SLC9A9: variants seen among roughly 807,000 people sequenced by gnomAD.
SLC9A9 encodes solute carrier family 9 member A9, also known as sodium/hydrogen exchanger 9.
Under a neutral mutation model 77.8 loss-of-function variants are expected in SLC9A9, and 62 were observed. That is an observed-to-expected ratio of 0.80 (90% CI 0.65 to 0.98). The LOEUF is 0.98. SLC9A9 is among the 50% of genes least tolerant of loss of function. The probability of loss-of-function intolerance (pLI) is 0.00; values close to 1 mark genes in which losing one functional copy is unlikely to be tolerated. For synonymous variants in SLC9A9, 320 were observed against 283.5 expected, an observed-to-expected ratio of 1.13 and a Z score of -1.29; for missense variants, 775 against 774.9, an observed-to-expected ratio of 1.00 and a Z score of 0.00.
intron 12 of SLC9A9, among the ~76,000 whole-genome samples, chr3:143,434,730 GC>G (rs1294609529): frequency 2.0e-5 from 3 of 152,028 alleles, no homozygotes; most frequent in African/African-American, 7.3e-5. Flanking sequence ...CCTGGTCCAT[GC>G]TAACCTCTGC....
At chr3:143,831,568 G>A (rs2009434245) in intron 2 of SLC9A9, among the ~76,000 whole-genome samples, 1 of 152,122 alleles carries the variant, frequency 6.6e-6, no homozygotes, top group Non-Finnish European at 1.5e-5. Context: ...CCAAAAGCCA[G>A]TCATCCTAGG....
chr3:143,679,108 A>G (rs1389035329), intron 5 of SLC9A9, among the ~76,000 whole-genome samples: 1 of 16,062 alleles, frequency 6.2e-5, no homozygotes, highest in Non-Finnish European at 2.5e-4. Flanking sequence ...ACACAGCAGT[A>G]AAAAAAAGCA....
chr3:143,704,821 CA>C (rs1933915194), intron 4 of SLC9A9, among the ~76,000 whole-genome samples: 1 of 151,982 alleles, frequency 6.6e-6, no homozygotes, highest in Non-Finnish European at 1.5e-5. Context: ...GGAGAAACCC[CA>C]TCTCTACTAA....
chr3:143,316,159 C>T (rs1266994556), intron 14 of SLC9A9, among the ~76,000 whole-genome samples: 1 of 152,140 alleles, frequency 6.6e-6, no homozygotes, highest in Non-Finnish European at 1.5e-5. Flanking sequence ...GAAACATTTC[C>T]CACATCTTTA....
intron 11 of SLC9A9, among the ~76,000 whole-genome samples, chr3:143,480,728 T>C (rs1372126560): frequency 3.3e-5 from 5 of 152,198 alleles, no homozygotes; most frequent in Non-Finnish European, 7.3e-5. Flanking sequence ...TAGCTGTTAG[T>C]GGCCTTGTAC....
At chr3:143,617,650 A>G (rs922194048) in intron 6 of SLC9A9, among the ~76,000 whole-genome samples, 9 of 152,224 alleles carry the variant, frequency 5.9e-5, no homozygotes, top group Admixed American at 1.3e-4. Flanking sequence ...TCAGCATGGC[A>G]AGAATTAGAG....
chr3:143,617,180 T>C (rs1157933763), intron 6 of SLC9A9, among the ~76,000 whole-genome samples: 1 of 152,214 alleles, frequency 6.6e-6, no homozygotes, highest in African/African-American at 2.4e-5. Context: ...GTGGAGTCTC[T>C]AGAGAAGTAT....
intron 12 of SLC9A9, among the ~76,000 whole-genome samples, chr3:143,383,641 C>T (rs927234533): frequency 7.2e-5 from 11 of 152,330 alleles, no homozygotes; most frequent in African/African-American, 2.4e-4. Flanking sequence ...CTCAAACTTC[C>T]TCTGTTTCCA....
In SLC9A9 at chr3:143,617,287, G is replaced by T. The variant is rs114422195; in HGVS notation, c.755+34968C>A. Reference sequence around the variant, plus strand: ...AAAGTTTTATTGGAACACCAGCCATGCCCATTTATTGACCTAGTGCATATG... The same window carrying T: ...AAAGTTTTATTGGAACACCAGCCATTCCCATTTATTGACCTAGTGCATATG... On this transcript the variant is annotated intron_variant, in intron 6 of 15. Transcript: ENST00000316549. Among the ~76,000 whole-genome samples, 1,157 of 152,304 alleles carry T rather than the reference G, an allele frequency of 7.6e-3. 14 individuals carry two copies. Among genetic ancestry groups the T allele is most frequent in the African/African-American group, 0.027 (1,111 of 41,558 alleles).
intron 12 of SLC9A9, among the ~76,000 whole-genome samples, chr3:143,386,714 T>C (rs1179354254): frequency 6.6e-6 from 1 of 152,216 alleles, no homozygotes; most frequent in Non-Finnish European, 1.5e-5. Flanking sequence ...AACCTTTGAA[T>C]ATATAGCAAC....
At chr3:143,287,031 C>G (rs866845222) in intron 14 of SLC9A9, among the ~76,000 whole-genome samples, 3 of 152,184 alleles carry the variant, frequency 2.0e-5, no homozygotes, top group Non-Finnish European at 2.9e-5. Flanking sequence ...CGTACCTTTT[C>G]CTCAGTAATT....
chr3:143,570,838 A>T (rs2037244920), intron 8 of SLC9A9, among the ~76,000 whole-genome samples: 1 of 152,194 alleles, frequency 6.6e-6, no homozygotes, highest in Admixed American at 6.5e-5. Flanking sequence ...AAATATTAAC[A>T]ATTGTTATTA....
chr3:143,485,316 T>G (rs2035637665), intron 11 of SLC9A9, among the ~76,000 whole-genome samples: 2 of 152,346 alleles, frequency 1.3e-5, no homozygotes, highest in East Asian at 1.9e-4. Flanking sequence ...GCTGAAGTGA[T>G]TGTCAGGAGA....
chr3:143,406,136 T>C (rs1346038011), intron 12 of SLC9A9, among the ~76,000 whole-genome samples: 1 of 152,234 alleles, frequency 6.6e-6, no homozygotes, highest in Non-Finnish European at 1.5e-5. Flanking sequence ...CAGGGTACTA[T>C]AGGATTCATT....
Position 143,794,908 on chromosome 3 carries a change from T to C in SLC9A9, c.533+93A>G, listed in dbSNP as rs974303503. 4.2e-6 allele frequency: 5 copies of C among 1,183,700 alleles called. No homozygotes were observed. In the Admixed American group the frequency reaches 7.0e-5, roughly 16 times the overall value. The allele number at this position is 1,183,700 out of a possible 1,614,324, so 73.3% of individuals were successfully genotyped here. On this transcript the variant is annotated intron_variant, in intron 4 of 15. Transcript: ENST00000316549. ...TGATATACTAAAAAAAAGACAATTTTCCCAGCCAGCAAGAATCCTGGAAGT... is the reference window on the plus strand; with the variant it reads ...TGATATACTAAAAAAAAGACAATTTCCCCAGCCAGCAAGAATCCTGGAAGT...
chr3:143,273,223 T>C (rs914610398), intron 14 of SLC9A9, among the ~76,000 whole-genome samples: 1 of 152,238 alleles, frequency 6.6e-6, no homozygotes, highest in South Asian at 2.1e-4. Context: ...AATGAGCACC[T>C]GCTCCTTTGA....
chr3:143,708,189 A>G (rs1934044164), intron 4 of SLC9A9, among the ~76,000 whole-genome samples: 1 of 152,146 alleles, frequency 6.6e-6, no homozygotes, highest in Non-Finnish European at 1.5e-5. Flanking sequence ...TTGACTCGGC[A>G]TCCTGATTGT....
intron 8 of SLC9A9, among the ~76,000 whole-genome samples, chr3:143,569,814 CTTTTTT>C (rs530202918): frequency 3.7e-5 from 5 of 133,392 alleles, no homozygotes; most frequent in African/African-American, 1.4e-4. Flanking sequence ...TTGTTTTTTT[CTTTTTT>C]TTTTTTTTTT....
intron 12 of SLC9A9, among the ~76,000 whole-genome samples, chr3:143,428,390 C>T (rs971803158): frequency 4.6e-5 from 7 of 151,962 alleles, no homozygotes; most frequent in African/African-American, 1.7e-4. Context: ...ATCACCTCAC[C>T]CCAGTTAGAA....
Sources: gnomAD v4.1 joint callset for allele counts (sites outside exome capture counted in the v4.1 genomes callset) on GRCh38, gnomAD v4.1.1 for gene constraint, MANE v1.5 for transcripts, NCBI Gene and HGNC (gene_info 2026-07-23, HGNC 2026-07-21) for gene names.